The following AGBL1 variants were observed in gnomAD, a reference collection of about 807,000 sequenced individuals.
The protein encoded by AGBL1 is cytosolic carboxypeptidase 4.
AGBL1 carries 130 observed loss-of-function variants against 118.9 expected under a neutral mutation model. The observed-to-expected ratio is 1.09, with a 90% CI of 0.95 to 1.26. AGBL1 has a LOEUF of 1.26. Ranked by LOEUF, AGBL1 falls within the 50% of genes most tolerant of loss-of-function variation. AGBL1 has a pLI of 0.00. For synonymous variants in AGBL1, 555 were observed against 478.9 expected, an observed-to-expected ratio of 1.16 and a Z score of -2.08; for missense variants, 1,584 against 1,298.1, an observed-to-expected ratio of 1.22 and a Z score of -3.38.
At chr15:86,102,839 T>C (rs1896817263) in intron 1 of AGBL1, among the ~76,000 whole-genome samples, 2 of 152,298 alleles carry the variant, frequency 1.3e-5, no homozygotes, top group Admixed American at 1.3e-4. Context: ...CTAACTAGAG[T>C]TAGGGATTTT....
At chr15:86,789,414 G>A (rs548135163) in intron 22 of AGBL1, among the ~76,000 whole-genome samples, 2 of 152,350 alleles carry the variant, frequency 1.3e-5, no homozygotes, top group African/African-American at 4.8e-5. Context: ...GGCTTTGGTA[G>A]TTGCTGCCAG....
In AGBL1 at chr15:86,159,111, C is replaced by G. The variant is rs968677691; in HGVS notation, c.488+85C>G. 2.2e-5 allele frequency: 28 copies of G among 1,287,110 alleles called. No individual in the cohort carries two copies. The East Asian group carries it at 6.3e-4, about 29-fold the overall frequency. The allele number at this position is 1,287,110 out of a possible 1,614,324, so 79.7% of individuals were successfully genotyped here. A position where few individuals can be genotyped will look rare whatever the true frequency, so the allele number is the denominator to read the frequency against. On this transcript the variant is annotated intron_variant, in intron 5 of 22. Coordinates refer to ENST00000614907, the MANE Select transcript of AGBL1 (RefSeq NM_001386094.1). ...CCCTACATGTATTTTCATGATGCTT[C>G]CAGCTCAGTTTAGTGGTCATTTCTC... is the stretch of plus-strand genomic sequence containing the variant.
intron 23 of AGBL1, among the ~76,000 whole-genome samples, chr15:86,973,617 G>A (rs1596693088): frequency 6.6e-6 from 1 of 151,896 alleles, no homozygotes; most frequent in South Asian, 2.1e-4. Context: ...ACTACTGTGA[G>A]AAGTACATTA....
rs76309253 is a variant in AGBL1 at position 86,865,233 on chromosome 15, C to G, written c.3159-41854C>G. ...ATTCAATTTGATATTCATCGACAGC[C>G]CTGTGGGAGAGCTAACTTGCATTCC... is the stretch of plus-strand genomic sequence containing the variant. On this transcript the variant is annotated intron_variant, in intron 22 of 22. Coordinates refer to ENST00000614907, the MANE Select transcript of AGBL1 (RefSeq NM_001386094.1). Among the ~76,000 whole-genome samples, 125 of 152,214 alleles carry G rather than the reference C, an allele frequency of 8.2e-4. 1 individual carries two copies. In the East Asian group the frequency reaches 0.022, roughly 27 times the overall value.
At chr15:86,838,352 CTTA>C (rs2079196512) in intron 22 of AGBL1, among the ~76,000 whole-genome samples, 1 of 152,158 alleles carries the variant, frequency 6.6e-6, no homozygotes, top group Non-Finnish European at 1.5e-5. Context: ...ATAATATACC[CTTA>C]TTCTTTTTCA....
chr15:86,526,544 G>GTGTGTGTATATATATATA (rs754816154), intron 19 of AGBL1, among the ~76,000 whole-genome samples: 11 of 119,450 alleles, frequency 9.2e-5, no homozygotes, highest in African/African-American at 3.6e-4. Flanking sequence ...TTGTGTCTGT[G>GTGTGTGTATATATATATA]TATATATATA....
chr15:86,816,223 G>A (rs114453592), intron 22 of AGBL1, among the ~76,000 whole-genome samples: 1,860 of 152,280 alleles, frequency 0.012, 25 homozygotes, highest in Middle Eastern at 0.061. Context: ...ATAGAATGGC[G>A]AGGTCTTATT....
At chr15:86,654,346 T>C (rs2085427137) in intron 21 of AGBL1, among the ~76,000 whole-genome samples, 1 of 152,162 alleles carries the variant, frequency 6.6e-6, no homozygotes. Flanking sequence ...ATTTTGAGTG[T>C]AGAAGCTTCC....
At chr15:86,955,424 A>G (rs1192939438) in intron 23 of AGBL1, among the ~76,000 whole-genome samples, 2 of 152,090 alleles carry the variant, frequency 1.3e-5, no homozygotes, top group Non-Finnish European at 2.9e-5. Context: ...GAAACAAAGG[A>G]GCCAAGAATT....
intron 18 of AGBL1, among the ~76,000 whole-genome samples, chr15:86,472,700 C>T (rs150995063): frequency 0.011 from 1,720 of 152,302 alleles, 36 homozygotes; most frequent in African/African-American, 0.039. Context: ...GGGTGGATCA[C>T]CTGAGGTCAG....
intron 18 of AGBL1, among the ~76,000 whole-genome samples, chr15:86,467,190 GA>G (rs1211330074): frequency 6.6e-6 from 1 of 152,168 alleles, no homozygotes; most frequent in African/African-American, 2.4e-5. Flanking sequence ...GGAATCTAGA[GA>G]TGCAGTCTGG....
At chr15:86,323,952 A>C (rs12911673) in intron 17 of AGBL1, among the ~76,000 whole-genome samples, 8,350 of 152,208 alleles carry the variant, frequency 0.055, 262 homozygotes, top group Middle Eastern at 0.085. Context: ...CTGTATGTTG[A>C]GCTGCTGTAT....
intron 21 of AGBL1, chr15:86,556,145 A>C: frequency 1.6e-6 from 2 of 1,237,312 alleles, no homozygotes; most frequent in Non-Finnish European, 2.3e-6. Flanking sequence ...AATCAGCTGG[A>C]AACTCAAAGT....
At chr15:86,225,594 G>T (rs187627583) in intron 6 of AGBL1, among the ~76,000 whole-genome samples, 151 of 152,242 alleles carry the variant, frequency 9.9e-4, no homozygotes, top group African/African-American at 3.2e-3. Context: ...GCCTAATTAC[G>T]TTGGGAGTCA....
rs540901559 is a variant in AGBL1, at chr15:86,944,009, G to A, written c.3222-43978G>A. Reference sequence around the variant, plus strand: ...TCTCTGCCACAGTATAACATATGCTGTGTCAAAAAAGTATGCCTAAGATAA... The same window carrying A: ...TCTCTGCCACAGTATAACATATGCTATGTCAAAAAAGTATGCCTAAGATAA... On this transcript the variant is annotated intron_variant, in intron 23 of 24. Coordinates refer to the AGBL1 transcript ENST00000441037. Among the ~76,000 whole-genome samples, 3 of 152,162 alleles carry A rather than the reference G, an allele frequency of 2.0e-5. No homozygotes were observed. In the South Asian group the frequency reaches 6.2e-4, roughly 32 times the overall value.
At chr15:86,235,261 T>G (rs2078520923) in intron 6 of AGBL1, among the ~76,000 whole-genome samples, 1 of 152,236 alleles carries the variant, frequency 6.6e-6, no homozygotes, top group African/African-American at 2.4e-5. Context: ...AGCTATTGAC[T>G]CTAATGTGTT....
At chr15:86,368,280 G>T (rs1431221572) in intron 17 of AGBL1, among the ~76,000 whole-genome samples, 3 of 151,858 alleles carry the variant, frequency 2.0e-5, no homozygotes, top group African/African-American at 7.3e-5. Context: ...CACAGACGGA[G>T]GGAGAGAGAT....
At chr15:86,658,653 A>G (rs946204042) in intron 21 of AGBL1, among the ~76,000 whole-genome samples, 1 of 152,200 alleles carries the variant, frequency 6.6e-6, no homozygotes, top group Non-Finnish European at 1.5e-5. Flanking sequence ...ACACATAGGT[A>G]TCAGCAACAC....
At chr15:86,719,050 A>G (rs1015180330) in intron 22 of AGBL1, among the ~76,000 whole-genome samples, 2 of 152,148 alleles carry the variant, frequency 1.3e-5, no homozygotes, top group Non-Finnish European at 2.9e-5. Context: ...TTCTCTCCAA[A>G]GAGAAAAAAA....
Sources: gnomAD v4.1 joint callset for allele counts (sites outside exome capture counted in the v4.1 genomes callset) on GRCh38, gnomAD v4.1.1 for gene constraint, MANE v1.5 for transcripts, NCBI Gene and HGNC (gene_info 2026-07-23, HGNC 2026-07-21) for gene names.